Variants in OSTN observed in about 807,000 individuals in gnomAD.
OSTN encodes osteocrin.
Under a neutral mutation model 12.0 loss-of-function variants are expected in OSTN, and 9 were observed. The ratio of observed to expected loss-of-function variants is 0.75; its 90% CI spans 0.45 to 1.30. The LOEUF is 1.30. OSTN is among the 50% of genes most tolerant of loss of function. OSTN has a pLI of 0.00. For missense variants in OSTN, 148 were observed against 152.3 expected (o/e 0.97, Z 0.15); for synonymous variants, 59 against 56.9 (o/e 1.04, Z -0.16).
intron 3 of OSTN, among the ~76,000 whole-genome samples, chr3:191,226,869 G>T (rs989446988): frequency 6.6e-6 from 1 of 152,082 alleles, no homozygotes; most frequent in Non-Finnish European, 1.5e-5. Flanking sequence ...AATTCTAAAT[G>T]CATCAGAGAT....
intron 4 of OSTN, among the ~76,000 whole-genome samples, chr3:191,259,539 A>G (rs1421581983): frequency 6.6e-6 from 1 of 151,682 alleles, no homozygotes; most frequent in Non-Finnish European, 1.5e-5. Flanking sequence ...GGTAAAATTA[A>G]TAAGCCTTAA....
chr3:191,245,960 C>T (rs892493822), intron 3 of OSTN, among the ~76,000 whole-genome samples: 14 of 148,552 alleles, frequency 9.4e-5, no homozygotes, highest in African/African-American at 1.7e-4. Flanking sequence ...CCAGCTACTC[C>T]GGAGGCTGAG....
intron 3 of OSTN, among the ~76,000 whole-genome samples, chr3:191,246,741 A>AG (rs1715442809): frequency 6.6e-6 from 1 of 151,320 alleles, no homozygotes; most frequent in East Asian, 1.9e-4. Context: ...AGGAGGAGGA[A>AG]GAGGAGAAGG....
At chr3:191,251,549 C>T (rs1418237306) in intron 4 of OSTN, among the ~76,000 whole-genome samples, 4 of 152,008 alleles carry the variant, frequency 2.6e-5, no homozygotes, top group Admixed American at 6.6e-5. Flanking sequence ...CCATTTTTTC[C>T]CTCCTCCTCA....
intron 3 of OSTN, among the ~76,000 whole-genome samples, chr3:191,228,136 T>G (rs9290980): frequency 0.22 from 33,928 of 152,092 alleles, 4,129 homozygotes; most frequent in Middle Eastern, 0.45. Flanking sequence ...ATTGTCATAC[T>G]TTAGCTAATC....
intron 4 of OSTN, among the ~76,000 whole-genome samples, chr3:191,252,485 G>A (rs1459812756): frequency 2.0e-5 from 3 of 152,170 alleles, no homozygotes; most frequent in Non-Finnish European, 4.4e-5. Flanking sequence ...TTTGTATGTT[G>A]TGTCCTTCTC....
chr3:191,209,848 C>T (rs576929476), intron 1 of OSTN, among the ~76,000 whole-genome samples: 8 of 152,202 alleles, frequency 5.3e-5, no homozygotes, highest in African/African-American at 1.7e-4. Context: ...TTGAAATACT[C>T]TTTGAAGACA....
At chr3:191,245,042 T>A (rs1282696061) in intron 3 of OSTN, among the ~76,000 whole-genome samples, 2 of 152,178 alleles carry the variant, frequency 1.3e-5, no homozygotes, top group African/African-American at 4.8e-5. Context: ...AGGGATACTT[T>A]TTTACTGGGA....
chr3:191,211,852 T>C (rs1362589539), intron 1 of OSTN, among the ~76,000 whole-genome samples: 1 of 152,158 alleles, frequency 6.6e-6, no homozygotes, highest in Non-Finnish European at 1.5e-5. Context: ...ATTTAAAGGG[T>C]TCATTTACAT....
At chr3:191,228,923 T>C (rs1449863581) in intron 3 of OSTN, 2 of 152,224 alleles carry the variant, frequency 1.3e-5, no homozygotes, top group Admixed American at 1.3e-4. Flanking sequence ...ACAATTGTCA[T>C]TAACTGTTGT....
chr3:191,218,417 T>A (rs534801794), intron 2 of OSTN, among the ~76,000 whole-genome samples: 1 of 151,732 alleles, frequency 6.6e-6, no homozygotes, highest in South Asian at 2.1e-4. Flanking sequence ...AGGTCAGGAG[T>A]TCGAGACCAG....
At chr3:191,246,610 AAAAAAAAG>A (rs1330773171) in intron 3 of OSTN, among the ~76,000 whole-genome samples, 2 of 151,504 alleles carry the variant, frequency 1.3e-5, no homozygotes, top group African/African-American at 4.8e-5. Flanking sequence ...GTATCAAAAA[AAAAAAAAG>A]AAAGAAAGAA....
chr3:191,252,332 T>C (rs1468114631), intron 4 of OSTN, among the ~76,000 whole-genome samples: 2 of 152,208 alleles, frequency 1.3e-5, no homozygotes, highest in Non-Finnish European at 2.9e-5. Flanking sequence ...CCCAAAGTGC[T>C]GGGATTACAG....
chr3:191,251,697 G>T (rs1278902943), intron 4 of OSTN, among the ~76,000 whole-genome samples: 1 of 152,158 alleles, frequency 6.6e-6, no homozygotes, highest in Non-Finnish European at 1.5e-5. Context: ...AGATACAAGA[G>T]AACTTACTGA....
In OSTN at chr3:191,262,953, G is replaced by A. The variant is rs1023437281; in HGVS notation, c.*100G>A. 4.3e-6 allele frequency: 3 copies of A among 694,996 alleles called. No homozygotes were observed. In the African/African-American group the frequency reaches 5.3e-5, roughly 12 times the overall value. The allele number at this position is 694,996 out of a possible 1,614,324, so 43.1% of individuals were successfully genotyped here. A position where few individuals can be genotyped will look rare whatever the true frequency, so the allele number is the denominator to read the frequency against. ...ACTTCTTAATGATTAAACTTTTAAG[G>A]AACTGACCTTCTGCAAATCCTTTCC... is the stretch of plus-strand genomic sequence containing the variant. On this transcript the variant is annotated 3_prime_UTR_variant, in exon 5 of 5. Transcript: ENST00000682035.
chr3:191,210,673 C>G (rs1224499915), intron 1 of OSTN, among the ~76,000 whole-genome samples: 1 of 152,212 alleles, frequency 6.6e-6, no homozygotes, highest in Non-Finnish European at 1.5e-5. Context: ...AGATTCCATT[C>G]TAGCACCCAT....
intron 3 of OSTN, among the ~76,000 whole-genome samples, chr3:191,224,955 G>GA: frequency 6.6e-6 from 1 of 151,390 alleles, no homozygotes; most frequent in Admixed American, 6.6e-5. Context: ...AACATAAGCA[G>GA]AAAAAAAGCA....
chr3:191,232,663 A>G (rs1418789103), intron 3 of OSTN, among the ~76,000 whole-genome samples: 1 of 136,496 alleles, frequency 7.3e-6, no homozygotes, highest in Non-Finnish European at 1.6e-5. Context: ...TGCAATGGTG[A>G]GATCTCGGCT....
chr3:191,244,509 C>A (rs1198923584), intron 3 of OSTN, among the ~76,000 whole-genome samples: 2 of 150,456 alleles, frequency 1.3e-5, no homozygotes, highest in Admixed American at 6.6e-5. Flanking sequence ...AGATTATATT[C>A]TCTATCTAAC....
Sources: allele counts gnomAD v4.1 joint callset (sites outside exome capture counted in the v4.1 genomes callset), GRCh38; gene constraint gnomAD v4.1.1; transcripts MANE v1.5; gene names NCBI Gene and HGNC (gene_info 2026-07-23, HGNC 2026-07-21).